Variants in PLBD1 observed in about 807,000 individuals in gnomAD.
PLBD1 encodes the protein phospholipase B domain containing 1.
A neutral mutation model predicts 63.0 loss-of-function variants in PLBD1; 60 were observed. The ratio of observed to expected loss-of-function variants is 0.95; its 90% CI spans 0.77 to 1.18. The LOEUF (loss-of-function observed/expected upper bound fraction) is 1.18, where lower values mean the gene tolerates loss of function less well. Ranked by LOEUF, PLBD1 falls within the 50% of genes most tolerant of loss-of-function variation. The pLI is 0.00. For missense variants in PLBD1, 598 were observed against 677.9 expected (o/e 0.88, Z 1.31); for synonymous variants, 262 against 248.0 (o/e 1.06, Z -0.53).
In PLBD1 at chr12:14,507,561, A is replaced by C. The variant is rs573072758; in HGVS notation, c.1187-443T>G. On this transcript the variant is annotated intron_variant, in intron 8 of 10. Transcript: ENST00000240617. ...ATGGTAATCATGAAGTAGTGGAAGA[A>C]CATAGCACTGGGAATAGAAAGCCTG... Among the ~76,000 whole-genome samples the C allele has an allele frequency of 1.4e-3, 215 of 152,370 alleles. 1 individual carries two copies. The highest frequency in any genetic ancestry group is 4.9e-3 in the African/African-American group (204 of 41,588).
intron 6 of PLBD1, among the ~76,000 whole-genome samples, chr12:14,530,826 G>A (rs1388751173): frequency 6.6e-6 from 1 of 152,130 alleles, no homozygotes; most frequent in Non-Finnish European, 1.5e-5. Flanking sequence ...ATAAGTAAAT[G>A]TGTGGGGAGG....
chr12:14,540,135 G>A (rs1945560234), intron 4 of PLBD1, among the ~76,000 whole-genome samples: 2 of 25,910 alleles, frequency 7.7e-5, no homozygotes, highest in Admixed American at 4.5e-4. Context: ...TATATATACT[G>A]GCAAAATAGA....
At chr12:14,566,111 G>C (rs1945778345) in intron 1 of PLBD1, among the ~76,000 whole-genome samples, 1 of 152,156 alleles carries the variant, frequency 6.6e-6, no homozygotes, top group Non-Finnish European at 1.5e-5. Flanking sequence ...AAAGATTTTA[G>C]CCAGCATTCC....
intron 2 of PLBD1, among the ~76,000 whole-genome samples, chr12:14,545,808 C>T (rs1462957944): frequency 6.6e-6 from 1 of 152,062 alleles, no homozygotes; most frequent in Non-Finnish European, 1.5e-5. Flanking sequence ...AACTTTACCT[C>T]ATGAGATTTT....
intron 6 of PLBD1, among the ~76,000 whole-genome samples, chr12:14,521,671 A>G (rs973643470): frequency 6.6e-6 from 1 of 152,018 alleles, no homozygotes; most frequent in Non-Finnish European, 1.5e-5. Flanking sequence ...TATGATAACA[A>G]CTCTATACAA....
In PLBD1 at chr12:14,538,748, G is replaced by A. The variant is rs928607811; in HGVS notation, c.558+2016C>T. Among the ~76,000 whole-genome samples, 4 of 152,214 alleles carry A rather than the reference G, an allele frequency of 2.6e-5. No individual in the cohort carries two copies. The South Asian group carries it at 6.2e-4, about 24-fold the overall frequency. ...TTGTTTAAATTATACTCTTCTGGCC[G>A]GGCACAGTGGCTTATGCCTGTAATC... On this transcript the variant is annotated intron_variant, in intron 4 of 10. Transcript: ENST00000240617.
In PLBD1 at chr12:14,511,668, T is replaced by C; in HGVS notation, c.888A>G (p.Gly296=). The change falls in exon 7 of 11, where the codon GGA becomes GGG. Residue 296 remains glycine (G), a synonymous_variant. Coordinates refer to ENST00000240617, the MANE Select transcript of PLBD1 (RefSeq NM_024829.6). ...SLDDFYILSS[G]LILLQTTNSV... is the part of the protein sequence containing the mutation. ...TGTTTGTGGTCTGCAGCAATATCAATCCACTGCTAAGAATGTAAAAATCAT... is the reference window on the plus strand; with the variant it reads ...TGTTTGTGGTCTGCAGCAATATCAACCCACTGCTAAGAATGTAAAAATCAT... The C allele has an allele frequency of 6.2e-7, 1 of 1,614,148 alleles. No homozygotes were observed. Among genetic ancestry groups the C allele is most frequent in the Non-Finnish European group, 8.5e-7 (1 of 1,179,996 alleles).
intron 1 of PLBD1, among the ~76,000 whole-genome samples, chr12:14,559,595 C>A (rs968667162): frequency 6.6e-6 from 1 of 152,112 alleles, no homozygotes; most frequent in African/African-American, 2.4e-5. Flanking sequence ...AGAGCAAGAG[C>A]TATTTGTTGG....
At chr12:14,507,920 A>T (rs546743939) in intron 8 of PLBD1, among the ~76,000 whole-genome samples, 160 of 152,270 alleles carry the variant, frequency 1.1e-3, no homozygotes, top group African/African-American at 3.6e-3. Flanking sequence ...CTGCCTACAG[A>T]ACAGTCAAGG....
At chr12:14,564,745 G>A (rs775135065) in intron 1 of PLBD1, among the ~76,000 whole-genome samples, 10 of 152,172 alleles carry the variant, frequency 6.6e-5, no homozygotes, top group Non-Finnish European at 1.2e-4. Context: ...CTGCAAGGCC[G>A]AGGGCCAGAT....
intron 8 of PLBD1, among the ~76,000 whole-genome samples, chr12:14,510,473 G>A (rs7955316): frequency 6.6e-6 from 1 of 152,042 alleles, no homozygotes; most frequent in Non-Finnish European, 1.5e-5. Context: ...TTCAGATCAG[G>A]TCATTTTCTT....
intron 1 of PLBD1, among the ~76,000 whole-genome samples, chr12:14,556,184 C>T (rs990993475): frequency 2.0e-5 from 3 of 152,132 alleles, no homozygotes; most frequent in Non-Finnish European, 4.4e-5. Flanking sequence ...AGGTTTTAGG[C>T]TGAGACTCAG....
chr12:14,540,983 T>C, intron 3 of PLBD1, 81 bp from the exon 4 acceptor site: 2 of 1,374,452 alleles, frequency 1.5e-6, no homozygotes, highest in South Asian at 1.6e-5. Flanking sequence ...TGAGAGATTA[T>C]ATACTCAGAC....
At chr12:14,565,330 G>T (rs1945772568) in intron 1 of PLBD1, among the ~76,000 whole-genome samples, 1 of 152,044 alleles carries the variant, frequency 6.6e-6, no homozygotes. Flanking sequence ...GCTGGGCGTG[G>T]TGGTGTGTGC....
Position 14,503,757 on chromosome 12 carries a change from C to T in PLBD1, c.*15G>A, listed in dbSNP as rs772806211. 22 of 1,603,790 alleles carry T rather than the reference C, an allele frequency of 1.4e-5. No homozygotes were observed. Among genetic ancestry groups the T allele is most frequent in the Non-Finnish European group, 1.7e-5 (20 of 1,171,580 alleles). On this transcript the variant is annotated 3_prime_UTR_variant, in exon 11 of 11. Coordinates refer to ENST00000240617, the MANE Select transcript of PLBD1 (RefSeq NM_024829.6). ...GTATCTTATTTACAGTCTTCTAGTCCGTCATCTCCCTCCTTCATTTTATAT... is the reference window on the plus strand; with the variant it reads ...GTATCTTATTTACAGTCTTCTAGTCTGTCATCTCCCTCCTTCATTTTATAT...
intron 4 of PLBD1, among the ~76,000 whole-genome samples, chr12:14,539,573 G>T (rs1403475715): frequency 1.3e-5 from 2 of 151,918 alleles, no homozygotes; most frequent in Non-Finnish European, 2.9e-5. Context: ...ATCTTTTGAG[G>T]TCAGGAGTTC....
chr12:14,544,484 A>AT (rs1335494848), intron 2 of PLBD1, among the ~76,000 whole-genome samples: 1 of 151,984 alleles, frequency 6.6e-6, no homozygotes, highest in Non-Finnish European at 1.5e-5. Flanking sequence ...CGTTTTTTCC[A>AT]TTTTGATAAA....
At chr12:14,538,452 C>T (rs1366730320) in intron 4 of PLBD1, among the ~76,000 whole-genome samples, 1 of 152,156 alleles carries the variant, frequency 6.6e-6, no homozygotes, top group Non-Finnish European at 1.5e-5. Flanking sequence ...CCTTGGCCTC[C>T]CAAAGTGCTG....
At chr12:14,566,808 A>C (rs1370428202) in intron 1 of PLBD1, among the ~76,000 whole-genome samples, 1 of 151,722 alleles carries the variant, frequency 6.6e-6, no homozygotes, top group Non-Finnish European at 1.5e-5. Flanking sequence ...AAAAAAAAAA[A>C]AAAACTGCCG....
Sources: allele counts gnomAD v4.1 joint callset (sites outside exome capture counted in the v4.1 genomes callset), GRCh38; gene constraint gnomAD v4.1.1; transcripts MANE v1.5; gene names NCBI Gene and HGNC (gene_info 2026-07-23, HGNC 2026-07-21).